Variants in DGKB observed in about 807,000 individuals in gnomAD.
The protein encoded by DGKB is 90 kDa diacylglycerol kinase.
A neutral mutation model predicts 114.3 loss-of-function variants in DGKB; 67 were observed. That is an observed-to-expected ratio of 0.59 (90% CI 0.48 to 0.72). The LOEUF is 0.72. Among genes scored for constraint, DGKB ranks in the 30% least tolerant of loss-of-function variants. The pLI, the probability that DGKB is intolerant of heterozygous loss-of-function variation, is 0.00. For missense variants in DGKB, 907 were observed against 975.2 expected (o/e 0.93, Z 0.93); for synonymous variants, 398 against 323.1 (o/e 1.23, Z -2.49).
chr7:14,346,423 C>A (rs1276838263), intron 21 of DGKB, among the ~76,000 whole-genome samples: 3 of 151,900 alleles, frequency 2.0e-5, no homozygotes, highest in Non-Finnish European at 4.4e-5. Context: ...TATTATCTAT[C>A]TAAACATAGT....
chr7:14,863,030 C>T (rs993500012), intron 1 of DGKB, among the ~76,000 whole-genome samples: 4 of 151,874 alleles, frequency 2.6e-5, no homozygotes, highest in South Asian at 2.1e-4. Context: ...TATAAAAAGT[C>T]AGGAAATGTA....
At chr7:14,735,909 C>A in intron 5 of DGKB, 132 bp downstream of exon 5, 2 of 486,204 alleles carry the variant, frequency 4.1e-6, no homozygotes, top group South Asian at 6.8e-5. Flanking sequence ...GTCACACAAT[C>A]TTATTGTAAA....
chr7:14,923,983 C>CAAAAAAAAAAAAAAAAAAAAAAAAAAA (rs56032330), intron 1 of DGKB, among the ~76,000 whole-genome samples: 15 of 76,166 alleles, frequency 2.0e-4, no homozygotes, highest in African/African-American at 1.1e-3. Context: ...AGCTCCATCT[C>CAAAAAAAAAAAAAAAAAAAAAAAAAAA]AAAAAAAAAA....
At chr7:14,878,914 A>T (rs1034440325) in intron 1 of DGKB, among the ~76,000 whole-genome samples, 3 of 149,586 alleles carry the variant, frequency 2.0e-5, no homozygotes, top group African/African-American at 7.7e-5. Context: ...AGGTTACAAG[A>T]TCTGCCGGCC....
chr7:14,826,889 A>G (rs1562642620), intron 2 of DGKB, among the ~76,000 whole-genome samples: 1 of 152,192 alleles, frequency 6.6e-6, no homozygotes, highest in Non-Finnish European at 1.5e-5. Context: ...AAATATCAGC[A>G]TGTAAACACT....
chr7:14,883,304 C>T (rs1587162621), intron 1 of DGKB, among the ~76,000 whole-genome samples: 1 of 151,800 alleles, frequency 6.6e-6, no homozygotes, highest in East Asian at 1.9e-4. Flanking sequence ...CTATCTTCCC[C>T]TAAAGTATGA....
At chr7:14,168,954 T>C (rs1247379595) in intron 25 of DGKB, among the ~76,000 whole-genome samples, 2 of 152,214 alleles carry the variant, frequency 1.3e-5, no homozygotes, top group Admixed American at 1.3e-4. Flanking sequence ...AAGTAACTTA[T>C]AAAAATACAT....
chr7:14,469,285 G>A (rs1478234563), intron 21 of DGKB, among the ~76,000 whole-genome samples: 1 of 152,008 alleles, frequency 6.6e-6, no homozygotes. Flanking sequence ...CAAACAAACA[G>A]GGCTCCTTAG....
At chr7:14,204,335 C>T (rs1786397124) in intron 23 of DGKB, among the ~76,000 whole-genome samples, 3 of 151,728 alleles carry the variant, frequency 2.0e-5, no homozygotes, top group Admixed American at 6.6e-5. Context: ...CTGATGTGGC[C>T]CAAGGCTTCA....
At chr7:14,787,132 A>G (rs923096073) in intron 2 of DGKB, among the ~76,000 whole-genome samples, 1 of 152,156 alleles carries the variant, frequency 6.6e-6, no homozygotes, top group African/African-American at 2.4e-5. Flanking sequence ...CTCACCCTCC[A>G]GTTATCTGCA....
intron 20 of DGKB, among the ~76,000 whole-genome samples, chr7:14,485,144 G>C (rs1228351372): frequency 6.9e-6 from 1 of 145,740 alleles, no homozygotes. Context: ...ACAATCAGTG[G>C]AGATACACAC....
intron 1 of DGKB, among the ~76,000 whole-genome samples, chr7:14,953,364 G>A (rs1183066248): frequency 6.6e-6 from 1 of 151,928 alleles, no homozygotes; most frequent in Non-Finnish European, 1.5e-5. Flanking sequence ...AATAATAAAA[G>A]ACTGATCATT....
At chr7:14,760,962 A>G (rs1835598008) in intron 2 of DGKB, among the ~76,000 whole-genome samples, 1 of 152,198 alleles carries the variant, frequency 6.6e-6, no homozygotes, top group South Asian at 2.1e-4. Flanking sequence ...CTCTAGATAT[A>G]TGACTGCCCT....
intron 2 of DGKB, among the ~76,000 whole-genome samples, chr7:14,790,472 G>A (rs2128505834): frequency 6.7e-6 from 1 of 149,034 alleles, no homozygotes; most frequent in Admixed American, 6.7e-5. Flanking sequence ...TAATTTTTCT[G>A]AGGTGCACAA....
intron 21 of DGKB, among the ~76,000 whole-genome samples, chr7:14,367,661 C>T (rs1174676058): frequency 6.6e-6 from 1 of 151,932 alleles, no homozygotes; most frequent in Non-Finnish European, 1.5e-5. Context: ...TTTCACACTG[C>T]TCTTAAGAAA....
At chr7:14,783,041 G>C (rs1334516962) in intron 2 of DGKB, among the ~76,000 whole-genome samples, 1 of 152,126 alleles carries the variant, frequency 6.6e-6, no homozygotes, top group Non-Finnish European at 1.5e-5. Flanking sequence ...TTCTCTGTAA[G>C]AGTTTATGAA....
chr7:14,831,901 G>A (rs531534264), intron 2 of DGKB, among the ~76,000 whole-genome samples: 2 of 151,774 alleles, frequency 1.3e-5, no homozygotes, highest in African/African-American at 2.4e-5. Context: ...TAAGCAGAAG[G>A]ACATTTCTCA....
chr7:14,310,041 C>T (rs1805113258), intron 23 of DGKB, among the ~76,000 whole-genome samples: 1 of 152,102 alleles, frequency 6.6e-6, no homozygotes, highest in Non-Finnish European at 1.5e-5. Flanking sequence ...TTATGGCTCA[C>T]ATTGAGTGAG....
intron 21 of DGKB, among the ~76,000 whole-genome samples, chr7:14,445,521 T>C (rs1332530770): frequency 6.6e-6 from 1 of 151,910 alleles, no homozygotes; most frequent in Non-Finnish European, 1.5e-5. Flanking sequence ...AATTCAGAAA[T>C]GTATTTAAAG....
Sources: gnomAD v4.1 joint callset for allele counts (sites outside exome capture counted in the v4.1 genomes callset) on GRCh38, gnomAD v4.1.1 for gene constraint, MANE v1.5 for transcripts, NCBI Gene and HGNC (gene_info 2026-07-23, HGNC 2026-07-21) for gene names.